DDX60L: variants seen among roughly 807,000 people sequenced by gnomAD.
The protein encoded by DDX60L is probable ATP-dependent RNA helicase DDX60-like.
DDX60L carries 191 observed loss-of-function variants against 211.6 expected under a neutral mutation model. The ratio of observed to expected loss-of-function variants is 0.90; its 90% CI spans 0.80 to 1.02. The LOEUF (loss-of-function observed/expected upper bound fraction) is 1.02. DDX60L is among the 50% of genes least tolerant of loss of function. The pLI is 0.00. For synonymous variants in DDX60L, 706 were observed against 694.1 expected (o/e 1.02, Z -0.27); for missense variants, 2,007 against 1,984.1 (o/e 1.01, Z -0.22).
At chr4:168,391,485 T>C (rs1021612363) in intron 29 of DDX60L, 55 bp downstream of exon 29, 1 of 1,145,868 alleles carries the variant, frequency 8.7e-7, no homozygotes, top group African/African-American at 1.5e-5. Flanking sequence ...TGCCACATGG[T>C]TCATTATTTC....
intron 27 of DDX60L, 108 bp downstream of exon 27, chr4:168,395,851 T>C: frequency 1.3e-6 from 1 of 768,226 alleles, no homozygotes; most frequent in South Asian, 1.7e-5. Context: ...GAGATAATCA[T>C]ATTTCAAAGG....
At chr4:168,380,106 C>A in intron 30 of DDX60L, 1 of 282,886 alleles carries the variant, frequency 3.5e-6, no homozygotes, top group South Asian at 1.1e-4. Context: ...CAATAGTGGC[C>A]TGAAAAAATG....
intron 25 of DDX60L, 77 bp from the exon 26 acceptor site, chr4:168,401,055 G>T: frequency 7.4e-7 from 1 of 1,342,472 alleles, no homozygotes; most frequent in Non-Finnish European, 1.0e-6. Flanking sequence ...AAATTATAAG[G>T]CCCCTCAATC....
At chr4:168,385,875 A>G (rs1170026949) in intron 29 of DDX60L, among the ~76,000 whole-genome samples, 1 of 152,108 alleles carries the variant, frequency 6.6e-6, no homozygotes, top group African/African-American at 2.4e-5. Context: ...TAAAAGAAAC[A>G]CAAATGGAAT....
At chr4:168,415,210 A>T (rs897926652) in intron 22 of DDX60L, among the ~76,000 whole-genome samples, 198 bp downstream of exon 22, 8 of 152,080 alleles carry the variant, frequency 5.3e-5, no homozygotes, top group Non-Finnish European at 2.9e-5. Context: ...CCCCATATAT[A>T]CAGCTACTTT....
intron 10 of DDX60L, among the ~76,000 whole-genome samples, chr4:168,436,658 A>G (rs911018812): frequency 6.6e-6 from 1 of 152,206 alleles, no homozygotes; most frequent in Non-Finnish European, 1.5e-5. Flanking sequence ...ATAATTCACA[A>G]TTCAGGATTC....
At chr4:168,384,907 G>A (rs771954431) in intron 29 of DDX60L, 95 bp from the exon 30 acceptor site, 7 of 1,220,086 alleles carry the variant, frequency 5.7e-6, no homozygotes, top group Non-Finnish European at 8.1e-6. Context: ...ATCCGGGATT[G>A]TGTTAAATTG....
rs1226179057 is a variant in DDX60L, at chr4:168,453,199, T to A, written c.921A>T (p.Leu307Phe). 7 of 1,613,126 alleles carry A rather than the reference T, an allele frequency of 4.3e-6. No individual in the cohort carries two copies. Among genetic ancestry groups the A allele is most frequent in the Non-Finnish European group, 5.1e-6 (6 of 1,179,552 alleles). The change falls in exon 8 of 38, where the codon TTA becomes TTT. Residue 307 changes from leucine (L) to phenylalanine (F), a missense_variant. Coordinates refer to ENST00000682922, the MANE Select transcript of DDX60L (RefSeq NM_001012967.3). ...GAGAACAAGCTCTCTGAGAAAGGGG[T>A]AAGTGGAGTTGAAAAGCCACACAGA... is the stretch of plus-strand genomic sequence containing the variant. ...RCLCVAFQLH[L>F]PLSQRACSRV...
intron 33 of DDX60L, 63 bp from the exon 34 acceptor site, chr4:168,375,587 G>A (rs1579232865): frequency 1.4e-6 from 2 of 1,429,328 alleles, no homozygotes; most frequent in East Asian, 2.5e-5. Flanking sequence ...AAACTGCTTG[G>A]TGATAAGATT....
At chr4:168,367,991 C>A (rs868792552) in intron 36 of DDX60L, among the ~76,000 whole-genome samples, 4 of 152,210 alleles carry the variant, frequency 2.6e-5, no homozygotes, top group African/African-American at 9.6e-5. Flanking sequence ...CAGAGCATAA[C>A]AGTTTGGAAA....
In DDX60L at chr4:168,456,081, G is replaced by A; in HGVS notation, c.795C>T (p.Val265=). The A allele has an allele frequency of 1.3e-6, 2 of 1,598,752 alleles. No individual in the cohort carries two copies. Among genetic ancestry groups the A allele is most frequent in the South Asian group, 1.1e-5 (1 of 87,454 alleles). The change falls in exon 7 of 38, where the codon GTC becomes GTT. Residue 265 remains valine (V), a synonymous_variant. Transcript: ENST00000682922. ...TTCTCAAGGATAGTGAACATGAAGT[G>A]ACACAGAGAACACGCTGGATGTCCG... is the stretch of plus-strand genomic sequence containing the variant. The part of the protein sequence containing the change: ...EGSDIQRVLC[V]TSCSLSLRMY...
At chr4:168,376,098 T>G (rs760143493) in intron 33 of DDX60L, among the ~76,000 whole-genome samples, 2 of 152,256 alleles carry the variant, frequency 1.3e-5, no homozygotes, top group Admixed American at 6.5e-5. Context: ...CCAAATTTCA[T>G]GTTTAAAAAC....
chr4:168,408,595 T>C (rs1001910713), intron 22 of DDX60L, among the ~76,000 whole-genome samples: 14 of 151,646 alleles, frequency 9.2e-5, no homozygotes, highest in Admixed American at 7.9e-4. Context: ...AAGCATATCA[T>C]ACCACAATGC....
At chr4:168,415,549 A>G in intron 21 of DDX60L, 32 bp from the exon 22 acceptor site, 1 of 1,476,134 alleles carries the variant, frequency 6.8e-7, no homozygotes. Context: ...ATCCAAATTA[A>G]TGGACATACG....
chr4:168,390,943 C>A, intron 29 of DDX60L, among the ~76,000 whole-genome samples: 1 of 150,996 alleles, frequency 6.6e-6, no homozygotes, highest in Non-Finnish European at 1.5e-5. Context: ...TCCAGAAATT[C>A]CACTAAAATG....
intron 1 of DDX60L, 96 bp from the exon 2 acceptor site, chr4:168,472,905 G>A: frequency 1.7e-6 from 1 of 575,430 alleles, no homozygotes; most frequent in South Asian, 2.3e-5. Context: ...AAGCAGTCTA[G>A]TAAATAAGCA....
At chr4:168,362,086 G>A (rs2684351) in intron 36 of DDX60L, among the ~76,000 whole-genome samples, 105,972 of 151,896 alleles carry the variant, frequency 0.7, 38,829 homozygotes, top group East Asian at 0.84. Flanking sequence ...GTGCATACTC[G>A]TGCTGCGCAG....
chr4:168,358,977 T>TA (rs1442461180), intron 37 of DDX60L, among the ~76,000 whole-genome samples: 1 of 152,110 alleles, frequency 6.6e-6, no homozygotes, highest in Non-Finnish European at 1.5e-5. Flanking sequence ...CAATTATTTT[T>TA]AAAAACCCAC....
Position 168,373,745 on chromosome 4 carries a change from C to T in DDX60L, c.4697G>A (p.Gly1566Glu), listed in dbSNP as rs201742145. Residue 1566 changes from glycine to glutamate, a missense_variant, in exon 35 of 38, where the codon GGA (glycine) becomes GAA (glutamate). Gly to Glu is a moderately conservative substitution (Grantham distance 98). Coordinates refer to ENST00000682922, the MANE Select transcript of DDX60L (RefSeq NM_001012967.3). ...LVSHLMSCKK[G>E]RVAISPFVCL... ...AACAAATGGTGAAATGGCTACTCTT[C>T]CTTTCTTGCAGCTCATCAAGTGAGA... 5.5e-5 allele frequency: 89 copies of T among 1,614,074 alleles called. No homozygotes were observed. The African/African-American group carries it at 7.3e-4, about 13-fold the overall frequency.
Sources: allele counts gnomAD v4.1 joint callset (sites outside exome capture counted in the v4.1 genomes callset), GRCh38; gene constraint gnomAD v4.1.1; transcripts MANE v1.5; gene names NCBI Gene and HGNC (gene_info 2026-07-23, HGNC 2026-07-21).